The following CD36 variants were observed in gnomAD, a reference collection of about 807,000 sequenced individuals.
CD36 encodes the protein platelet glycoprotein 4.
CD36 carries 119 observed loss-of-function variants against 55.2 expected under a neutral mutation model. That is an observed-to-expected ratio of 2.15 (90% CI 1.86 to 2.51). CD36 has a LOEUF of 2.51. CD36 is among the 30% of genes most tolerant of loss of function. The pLI is 0.00. For synonymous variants in CD36, 186 were observed against 193.6 expected, an observed-to-expected ratio of 0.96 and a Z score of 0.33; for missense variants, 819 against 555.5, an observed-to-expected ratio of 1.47 and a Z score of -4.77.
chr7:80,607,148 G>A lies in CD36; in HGVS notation c.-184+4769G>A, dbSNP rs551953170. Among the ~76,000 whole-genome samples the A allele has an allele frequency of 6.0e-4, 92 of 152,186 alleles. 1 individual carries two copies. Among genetic ancestry groups the A allele is most frequent in the Non-Finnish European group, 1.2e-4 (8 of 68,006 alleles). ...ATATTCCTCTTGAGTATTAAAGGTAGCATTTTGTTCTGTCAACTCTCCCAT... is the reference window on the plus strand; with the variant it reads ...ATATTCCTCTTGAGTATTAAAGGTAACATTTTGTTCTGTCAACTCTCCCAT... On this transcript the variant is annotated intron_variant, in intron 1 of 13. Coordinates refer to the CD36 transcript ENST00000309881.
At position 80,669,940 on chromosome 7, in the gene CD36, G is replaced by C. The variant is rs760711855; in HGVS notation, c.749-13G>C. The C allele has an allele frequency of 1.2e-6, 2 of 1,601,970 alleles. No homozygotes were observed. The highest frequency in any genetic ancestry group is 4.5e-5 in the East Asian group (2 of 44,782). On this transcript the variant is annotated splice_polypyrimidine_tract_variant and intron_variant, in intron 8 of 14. Transcript: ENST00000447544. The stretch of plus-strand genomic sequence containing the variant: ...CATTACATCTAATCATTTGCCACTC[G>C]ATTTTTAAACAGATGCAGCCTCATT...
At chr7:80,666,992 A>G (rs1311274520) in intron 8 of CD36, among the ~76,000 whole-genome samples, 3 of 152,210 alleles carry the variant, frequency 2.0e-5, no homozygotes, top group Admixed American at 2.0e-4. Context: ...ACAAAGTCAG[A>G]TGTCTTCTTA....
intron 1 of CD36, among the ~76,000 whole-genome samples, chr7:80,612,672 A>G (rs1792939590): frequency 6.6e-6 from 1 of 152,118 alleles, no homozygotes; most frequent in African/African-American, 2.4e-5. Context: ...AGATAATCTG[A>G]CTTTTTCTAT....
At chr7:80,669,736 A>G (rs1347617988) in intron 8 of CD36, among the ~76,000 whole-genome samples, 1 of 152,098 alleles carries the variant, frequency 6.6e-6, no homozygotes, top group Non-Finnish European at 1.5e-5. Context: ...ACCTCAGGTG[A>G]TCCACCCGCC....
intron 3 of CD36, among the ~76,000 whole-genome samples, chr7:80,653,106 A>G (rs1047926314): frequency 6.6e-6 from 1 of 152,182 alleles, no homozygotes; most frequent in Non-Finnish European, 1.5e-5. Flanking sequence ...AACTCATAGC[A>G]TCTAATTTCA....
intron 6 of CD36, among the ~76,000 whole-genome samples, chr7:80,663,408 C>A (rs1181121472): frequency 6.6e-6 from 1 of 152,080 alleles, no homozygotes; most frequent in Admixed American, 6.6e-5. Context: ...GGTTTCTACT[C>A]ATTTATAAAT....
chr7:80,616,664 C>T (rs1484486127), intron 1 of CD36, among the ~76,000 whole-genome samples: 1 of 152,054 alleles, frequency 6.6e-6, no homozygotes, highest in African/African-American at 2.4e-5. Flanking sequence ...GAAGCAGTTT[C>T]TTGGGTACTT....
intron 4 of CD36, 57 bp from the exon 5 acceptor site, chr7:80,661,006 G>T: frequency 8.2e-7 from 1 of 1,218,290 alleles, no homozygotes; most frequent in South Asian, 1.2e-5. Flanking sequence ...TGACATTTGA[G>T]ATCTAATGTT....
intron 1 of CD36, among the ~76,000 whole-genome samples, chr7:80,632,695 A>C (rs1027850109): frequency 9.9e-5 from 15 of 152,040 alleles, no homozygotes; most frequent in African/African-American, 3.6e-4. Context: ...AAAATAAGAA[A>C]AACCTAATAT....
chr7:80,623,162 A>G (rs1354886629), intron 1 of CD36, among the ~76,000 whole-genome samples: 1 of 152,172 alleles, frequency 6.6e-6, no homozygotes, highest in Non-Finnish European at 1.5e-5. Context: ...ATAAAAAATA[A>G]CTAAATTTTG....
chr7:80,673,734 G>A, intron 13 of CD36: 1 of 571,090 alleles, frequency 1.8e-6, no homozygotes, highest in South Asian at 2.1e-5. Flanking sequence ...AGTCTTTGGA[G>A]CAAATGAAAC....
rs528470947 is a variant in CD36 at position 80,658,926 on chromosome 7, A to G, written c.282-2137A>G. Reference sequence around the variant, plus strand: ...TTTAACCTATCTCTCTAAGGGACAAAAAGGGGATGTGTTAGATATATTTGG... The same window carrying G: ...TTTAACCTATCTCTCTAAGGGACAAGAAGGGGATGTGTTAGATATATTTGG... On this transcript the variant is annotated intron_variant, in intron 4 of 14. Transcript: ENST00000447544. Among the ~76,000 whole-genome samples the G allele has an allele frequency of 3.3e-5, 5 of 152,298 alleles. No individual in the cohort carries two copies. In the East Asian group the frequency reaches 9.7e-4, roughly 29 times the overall value.
intron 13 of CD36, 26 bp from the exon 14 acceptor site, chr7:80,673,957 A>T (rs774448235): frequency 6.3e-6 from 10 of 1,592,934 alleles, no homozygotes; most frequent in Non-Finnish European, 8.6e-6. Context: ...GTACCCAAAT[A>T]ATGTTGATTA....
At position 80,631,798 on chromosome 7, in the gene CD36, G is replaced by A. The variant is rs528113754; in HGVS notation, c.-183-14290G>A. The stretch of plus-strand genomic sequence containing the variant: ...TAACATTTCCAGAAAAACATTTCTG[G>A]AAGTTTTATATATATTTTATATATA... On this transcript the variant is annotated intron_variant, in intron 1 of 13. Transcript: ENST00000309881. Among the ~76,000 whole-genome samples, 434 of 150,692 alleles carry A rather than the reference G, an allele frequency of 2.9e-3. 4 individuals carry two copies. Among genetic ancestry groups the A allele is most frequent in the Non-Finnish European group, 4.6e-3 (311 of 67,622 alleles).
In CD36 at chr7:80,674,047, T is replaced by C. The variant is rs1296421249; in HGVS notation, c.1319T>C (p.Leu440Pro). 2.5e-6 allele frequency: 4 copies of C among 1,612,062 alleles called. No homozygotes were observed. Among genetic ancestry groups the C allele is most frequent in the Non-Finnish European group, 3.4e-6 (4 of 1,178,704 alleles). The change falls in exon 14 of 15, where the codon CTC (leucine) becomes CCC (proline). Residue 440 changes from leucine to proline, a missense_variant. Leu to Pro is a moderately conservative substitution (Grantham distance 98). Coordinates refer to ENST00000447544, the MANE Select transcript of CD36 (RefSeq NM_001001548.3). The part of the protein sequence containing the change: ...FRSQVTGKIN[L>P]LGLIEMILLS... ...AGTCAAGTAACTGGAAAAATAAACC[T>C]CCTTGGCCTGATAGAAATGATCTTA...
chr7:80,675,419 T>C (rs1798121712), intron 14 of CD36, among the ~76,000 whole-genome samples: 1 of 151,618 alleles, frequency 6.6e-6, no homozygotes, highest in South Asian at 2.1e-4. Flanking sequence ...TAAGTAAGTA[T>C]TCAGAATTAA....
At chr7:80,672,128 C>CAATAAATAATCATATTTATTG (rs1562824064) in intron 11 of CD36, 88 bp downstream of exon 11, 8 of 1,050,994 alleles carry the variant, frequency 7.6e-6, no homozygotes, top group Non-Finnish European at 1.1e-5. Context: ...ATTATTTATT[C>CAATAAATAATCATATTTATTG]AATAAATAAT....
intron 1 of CD36, among the ~76,000 whole-genome samples, chr7:80,641,632 G>C (rs192124668): frequency 3.9e-5 from 6 of 152,084 alleles, no homozygotes; most frequent in South Asian, 2.1e-4. Context: ...AGTGTCTATG[G>C]TACAAGTACC....
chr7:80,672,229 A>G (rs1013141093), intron 11 of CD36, among the ~76,000 whole-genome samples, 189 bp downstream of exon 11: 11 of 151,828 alleles, frequency 7.2e-5, no homozygotes, highest in Non-Finnish European at 1.6e-4. Context: ...GGCTTAAAAT[A>G]ATTTTATATA....
Sources: gnomAD v4.1 joint callset for allele counts (sites outside exome capture counted in the v4.1 genomes callset) on GRCh38, gnomAD v4.1.1 for gene constraint, MANE v1.5 for transcripts, NCBI Gene and HGNC (gene_info 2026-07-23, HGNC 2026-07-21) for gene names.